Variants in ADCY7 observed in about 807,000 individuals in gnomAD.
ADCY7 encodes adenylate cyclase type 7.
A neutral mutation model predicts 120.6 loss-of-function variants in ADCY7; 72 were observed. That is an observed-to-expected ratio of 0.60 (90% CI 0.49 to 0.73). ADCY7 has a LOEUF of 0.73. ADCY7 is among the 30% of genes least tolerant of loss of function. The probability of loss-of-function intolerance (pLI) is 0.00; values close to 1 mark genes in which losing one functional copy is unlikely to be tolerated. For synonymous variants in ADCY7, 661 were observed against 628.0 expected (o/e 1.05, Z -0.78); for missense variants, 1,227 against 1,486.0 (o/e 0.83, Z 2.87).
At chr16:50,305,156 G>A (rs1382087085) in intron 12 of ADCY7, among the ~76,000 whole-genome samples, 197 bp downstream of exon 12, 1 of 152,248 alleles carries the variant, frequency 6.6e-6, no homozygotes, top group Non-Finnish European at 1.5e-5. Flanking sequence ...GCCACATGAT[G>A]GAGCACCTGT....
chr16:50,312,548 G>A (rs1296828345), intron 21 of ADCY7, among the ~76,000 whole-genome samples: 1 of 152,182 alleles, frequency 6.6e-6, no homozygotes, highest in Admixed American at 6.5e-5. Context: ...ACTTCTACTA[G>A]TTATGTGTAG....
Position 50,269,526 on chromosome 16 carries a change from G to A in ADCY7, c.-269+2846G>A, listed in dbSNP as rs1361060449. Among the ~76,000 whole-genome samples the A allele has an allele frequency of 2.0e-5, 3 of 152,348 alleles. No individual in the cohort carries two copies. In the East Asian group the frequency reaches 5.8e-4, roughly 29 times the overall value. ...CGAGGCCTTCTGCGTGGCTGGGCCA[G>A]GGTGGGCTGTCTCACGTGCTTTCCT... On this transcript the variant is annotated intron_variant, in intron 1 of 25. Coordinates refer to ENST00000673801, the MANE Select transcript of ADCY7 (RefSeq NM_001114.5).
intron 5 of ADCY7, among the ~76,000 whole-genome samples, chr16:50,293,029 T>C (rs1322370342): frequency 6.6e-6 from 1 of 152,134 alleles, no homozygotes; most frequent in Non-Finnish European, 1.5e-5. Context: ...GTTTCAGTCC[T>C]GGGCACGCAG....
chr16:50,286,130 G>A (rs1270421345), intron 1 of ADCY7, among the ~76,000 whole-genome samples: 1 of 151,874 alleles, frequency 6.6e-6, no homozygotes, highest in Non-Finnish European at 1.5e-5. Context: ...GCTGGGTACA[G>A]TGCCTGAAAG....
intron 1 of ADCY7, among the ~76,000 whole-genome samples, chr16:50,269,185 CCA>C (rs1336863360): frequency 6.6e-6 from 1 of 152,234 alleles, no homozygotes; most frequent in Non-Finnish European, 1.5e-5. Flanking sequence ...CCGTTCACCT[CCA>C]GTTTACAGAG....
chr16:50,314,483 A>C, intron 24 of ADCY7, 77 bp downstream of exon 24: 1 of 1,058,848 alleles, frequency 9.4e-7, no homozygotes, highest in South Asian at 1.3e-5. Context: ...GCACAGCTGC[A>C]CCTCGCCATC....
In ADCY7 at chr16:50,295,738, G is replaced by A. The variant is rs112457249; in HGVS notation, c.948+987G>A. ...AGCTCGACACGTGCCAGGCAGGGAG[G>A]GGGTAAGGCAAGCAACATTTCCATT... On this transcript the variant is annotated intron_variant, in intron 7 of 25. Coordinates refer to ENST00000673801, the MANE Select transcript of ADCY7 (RefSeq NM_001114.5). Among the ~76,000 whole-genome samples, 825 of 152,246 alleles carry A rather than the reference G, an allele frequency of 5.4e-3. 2 individuals are homozygous for A. The highest frequency in any genetic ancestry group is 9.3e-3 in the Non-Finnish European group (632 of 68,014).
chr16:50,295,613 G>A (rs1162442197), intron 7 of ADCY7, among the ~76,000 whole-genome samples: 2 of 152,116 alleles, frequency 1.3e-5, no homozygotes, highest in African/African-American at 4.8e-5. Flanking sequence ...TGTCCATGGG[G>A]TGAACGTGCT....
chr16:50,262,434 C>T (rs1015530725), upstream of ADCY7, among the ~76,000 whole-genome samples: 2 of 151,832 alleles, frequency 1.3e-5, no homozygotes, highest in African/African-American at 2.4e-5. Flanking sequence ...TTTTTGTATT[C>T]CTCCCACCTC....
Position 50,312,211 on chromosome 16 carries a change from G to A in ADCY7, c.2604+20G>A. 2 of 1,612,170 alleles carry A rather than the reference G, an allele frequency of 1.2e-6. No individual in the cohort carries two copies. Among genetic ancestry groups the A allele is most frequent in the East Asian group, 4.5e-5 (2 of 44,796 alleles). On this transcript the variant is annotated intron_variant, in intron 21 of 25. Transcript: ENST00000673801. Reference sequence around the variant, plus strand: ...AACGAGGTGTGCTGAGAAGGGGCTGGGGCGGGGGCAGGGAGGCGGACGGTC... The same window carrying A: ...AACGAGGTGTGCTGAGAAGGGGCTGAGGCGGGGGCAGGGAGGCGGACGGTC...
In ADCY7 at chr16:50,316,452, C is replaced by T. The variant is rs2036804169; in HGVS notation, c.*947C>T. 1 of 152,358 alleles carries T rather than the reference C, an allele frequency of 6.6e-6. No homozygotes were observed. Among genetic ancestry groups the T allele is most frequent in the Non-Finnish European group, 1.5e-5 (1 of 68,034 alleles). 9.4% of individuals were successfully genotyped at this position (152,358 alleles called of 1,614,324 possible). A position where few individuals can be genotyped will look rare whatever the true frequency, so the allele number is the denominator to read the frequency against. On this transcript the variant is annotated 3_prime_UTR_variant, in exon 26 of 26. Coordinates refer to ENST00000673801, the MANE Select transcript of ADCY7 (RefSeq NM_001114.5). ...CCTGCCGTCCTTCAACTGTATCTTACTTTTCTTACCAGAAAGGAATGGAGT... is the reference window on the plus strand; with the variant it reads ...CCTGCCGTCCTTCAACTGTATCTTATTTTTCTTACCAGAAAGGAATGGAGT...
rs372716389 is a variant in ADCY7, at chr16:50,309,543, T to C, written c.2062-5T>C. ...TGGACTGATGGGGACCTGTCTCCTC[T>C]ACAGCCCCTGATGCCTTTCCAAGTT... On this transcript the variant is annotated splice_region_variant and splice_polypyrimidine_tract_variant and intron_variant, in intron 17 of 25. Coordinates refer to ENST00000673801, the MANE Select transcript of ADCY7 (RefSeq NM_001114.5). 362 of 1,613,790 alleles carry C rather than the reference T, an allele frequency of 2.2e-4. 1 individual carries two copies. In the African/African-American group the frequency reaches 4.3e-3, roughly 19 times the overall value.
rs1326107603 is a variant in ADCY7 at position 50,318,113 on chromosome 16, A to G, written c.*2608A>G. 6.6e-6 allele frequency: 1 copy of G among 152,314 alleles called. No individual in the cohort carries two copies. Among genetic ancestry groups the G allele is most frequent in the Non-Finnish European group, 1.5e-5 (1 of 68,036 alleles). 9.4% of individuals were successfully genotyped at this position (152,314 alleles called of 1,614,324 possible). ...TGTTTAGCTGCTTTTTATACATTAA[A>G]TTAGCAATTTGAAAAACTCAAATAT... On this transcript the variant is annotated 3_prime_UTR_variant, in exon 26 of 26. Transcript: ENST00000673801.
chr16:50,287,794 G>C (rs927201042), intron 1 of ADCY7, 118 bp from the exon 2 acceptor site: 3 of 198,682 alleles, frequency 1.5e-5, no homozygotes, highest in African/African-American at 7.0e-5. Context: ...AGTTAGGTTA[G>C]GGTTAAGATG....
intron 2 of ADCY7, among the ~76,000 whole-genome samples, chr16:50,290,152 C>T (rs990760937): frequency 5.3e-5 from 8 of 152,198 alleles, no homozygotes; most frequent in Non-Finnish European, 1.2e-4. Flanking sequence ...GTATCACCTG[C>T]GGCTGTGCAC....
At chr16:50,273,630 G>A (rs939123488) in intron 1 of ADCY7, among the ~76,000 whole-genome samples, 1 of 152,198 alleles carries the variant, frequency 6.6e-6, no homozygotes, top group African/African-American at 2.4e-5. Context: ...ATGAGGTCAC[G>A]TCACTGCTAG....
intron 10 of ADCY7, among the ~76,000 whole-genome samples, chr16:50,301,510 C>T (rs997542437): frequency 4.6e-5 from 7 of 152,358 alleles, no homozygotes; most frequent in Middle Eastern, 3.4e-3. Context: ...TATGTATTCT[C>T]GTCACTCTTG....
chr16:50,278,871 TC>T (rs1364661439), intron 1 of ADCY7, among the ~76,000 whole-genome samples: 1,507 of 83,376 alleles, frequency 0.018, 31 homozygotes, highest in African/African-American at 0.058. Context: ...TCTCTCTCTC[TC>T]TCTTTTTTTT....
In ADCY7 at chr16:50,308,292, C is replaced by A. The variant is rs139122241; in HGVS notation, c.1851-35C>A. ...GGGGCGGTGGTCCTGGGCAGAAGGC[C>A]CTAGGCAGAACTGAGGTTCTTCCCT... On this transcript the variant is annotated intron_variant, in intron 15 of 25. Transcript: ENST00000673801. 2.7e-4 allele frequency: 440 copies of A among 1,614,052 alleles called. 2 individuals are homozygous for A. The African/African-American group carries it at 5.0e-3, about 18-fold the overall frequency.
Sources: allele counts gnomAD v4.1 joint callset (sites outside exome capture counted in the v4.1 genomes callset), GRCh38; gene constraint gnomAD v4.1.1; transcripts MANE v1.5; gene names NCBI Gene and HGNC (gene_info 2026-07-23, HGNC 2026-07-21).